The following ZBTB20 variants were observed in gnomAD, a reference collection of about 807,000 sequenced individuals.
ZBTB20 encodes the protein zinc finger and BTB domain containing 20, also known as zinc finger and BTB domain-containing protein 20.
A neutral mutation model predicts 56.9 loss-of-function variants in ZBTB20; 9 were observed. The observed-to-expected ratio is 0.16, with a 90% CI of 0.10 to 0.28. The LOEUF (loss-of-function observed/expected upper bound fraction) is 0.28, where lower values mean the gene tolerates loss of function less well. Among genes scored for constraint, ZBTB20 ranks in the 10% least tolerant of loss-of-function variants. The pLI, the probability that ZBTB20 is intolerant of heterozygous loss-of-function variation, is 1.00. For synonymous variants in ZBTB20, 417 were observed against 420.7 expected, an observed-to-expected ratio of 0.99 and a Z score of 0.11; for missense variants, 655 against 1,003.0, an observed-to-expected ratio of 0.65 and a Z score of 4.69.
chr3:114,584,773 AT>A (rs1297093045), intron 6 of ZBTB20, among the ~76,000 whole-genome samples: 1 of 152,294 alleles, frequency 6.6e-6, no homozygotes, highest in African/African-American at 2.4e-5. Context: ...ACTTTTGAAA[AT>A]GAAAGTACCT....
At chr3:114,515,847 T>C (rs890549227) in intron 6 of ZBTB20, among the ~76,000 whole-genome samples, 1 of 152,168 alleles carries the variant, frequency 6.6e-6, no homozygotes, top group African/African-American at 2.4e-5. Flanking sequence ...TCATTTAAGG[T>C]AACAACAATA....
chr3:114,786,259 A>C (rs986499799), intron 5 of ZBTB20, among the ~76,000 whole-genome samples: 3 of 152,032 alleles, frequency 2.0e-5, no homozygotes, highest in African/African-American at 7.3e-5. Flanking sequence ...TGTCATCTAC[A>C]TCAGGTATTT....
At chr3:114,926,692 G>A (rs1013501268) in intron 3 of ZBTB20, among the ~76,000 whole-genome samples, 1 of 152,178 alleles carries the variant, frequency 6.6e-6, no homozygotes, top group Admixed American at 6.5e-5. Flanking sequence ...AAATAGGTAA[G>A]AATGCAAGTA....
chr3:114,381,031 T>C (rs2084268336), intron 8 of ZBTB20, 91 bp from the exon 9 acceptor site: 2 of 306,352 alleles, frequency 6.5e-6, no homozygotes, highest in South Asian at 3.1e-4. Flanking sequence ...AACATTCAAC[T>C]TTCCTGCTCT....
At chr3:114,984,834 C>A (rs1214380907) in intron 2 of ZBTB20, among the ~76,000 whole-genome samples, 1 of 151,998 alleles carries the variant, frequency 6.6e-6, no homozygotes, top group Non-Finnish European at 1.5e-5. Flanking sequence ...CAAACATACA[C>A]TCACACATCC....
At chr3:114,655,298 T>C (rs1381995686) in intron 6 of ZBTB20, among the ~76,000 whole-genome samples, 1 of 131,650 alleles carries the variant, frequency 7.6e-6, no homozygotes, top group Non-Finnish European at 1.6e-5. Context: ...CAGGCCAGAC[T>C]GCGGACTGCA....
chr3:114,958,359 C>G (rs2077320997), intron 3 of ZBTB20, among the ~76,000 whole-genome samples: 1 of 152,132 alleles, frequency 6.6e-6, no homozygotes, highest in Admixed American at 6.6e-5. Context: ...CATCTACTAT[C>G]CTCATCCATA....
At chr3:114,564,110 A>G (rs1407688912) in intron 6 of ZBTB20, among the ~76,000 whole-genome samples, 1 of 152,086 alleles carries the variant, frequency 6.6e-6, no homozygotes, top group Non-Finnish European at 1.5e-5. Context: ...CCAGCAACGC[A>G]GCATCTTTCA....
intron 6 of ZBTB20, among the ~76,000 whole-genome samples, chr3:114,637,195 C>A (rs912950125): frequency 2.0e-5 from 3 of 151,968 alleles, no homozygotes; most frequent in Non-Finnish European, 4.4e-5. Flanking sequence ...TGGAGTAGAA[C>A]AAAAACTGAA....
intron 3 of ZBTB20, among the ~76,000 whole-genome samples, chr3:114,907,435 T>C (rs1048303704): frequency 2.0e-5 from 3 of 151,912 alleles, no homozygotes; most frequent in Non-Finnish European, 1.5e-5. Context: ...TGTGTATGTG[T>C]ATTATTTGGT....
intron 6 of ZBTB20, among the ~76,000 whole-genome samples, chr3:114,572,556 G>A (rs2053554331): frequency 6.6e-6 from 1 of 152,204 alleles, no homozygotes; most frequent in South Asian, 2.1e-4. Flanking sequence ...AACTTATACA[G>A]TCAGTGGAGG....
intron 11 of ZBTB20, among the ~76,000 whole-genome samples, chr3:114,341,057 T>C (rs2079722623): frequency 6.6e-6 from 1 of 152,182 alleles, no homozygotes; most frequent in Non-Finnish European, 1.5e-5. Flanking sequence ...TTAAACTTTC[T>C]CTCATCAGGA....
intron 5 of ZBTB20, among the ~76,000 whole-genome samples, chr3:114,725,323 C>A (rs754272867): frequency 6.6e-6 from 1 of 152,166 alleles, no homozygotes; most frequent in Non-Finnish European, 1.5e-5. Context: ...CATCTCTTTT[C>A]ATCACTACTG....
intron 7 of ZBTB20, among the ~76,000 whole-genome samples, chr3:114,498,142 A>G (rs1244943829): frequency 6.6e-6 from 1 of 152,236 alleles, no homozygotes; most frequent in Admixed American, 6.5e-5. Flanking sequence ...GACCTAACTT[A>G]TAAGAACCAA....
At chr3:114,705,768 T>G (rs2063684465) in intron 5 of ZBTB20, among the ~76,000 whole-genome samples, 1 of 152,178 alleles carries the variant, frequency 6.6e-6, no homozygotes, top group Non-Finnish European at 1.5e-5. Flanking sequence ...AATTTTACAC[T>G]TTGGCCAGCT....
intron 7 of ZBTB20, among the ~76,000 whole-genome samples, chr3:114,406,399 G>C (rs920207306): frequency 1.3e-5 from 2 of 152,228 alleles, no homozygotes; most frequent in South Asian, 2.1e-4. Flanking sequence ...CTGGAGAATA[G>C]AACTTGCAAT....
intron 11 of ZBTB20, among the ~76,000 whole-genome samples, chr3:114,340,717 A>T (rs902768393): frequency 6.6e-6 from 1 of 152,192 alleles, no homozygotes; most frequent in Non-Finnish European, 1.5e-5. Flanking sequence ...TGCCCAGTGT[A>T]GGCCCTCACC....
intron 4 of ZBTB20, among the ~76,000 whole-genome samples, chr3:114,806,594 T>A (rs1412481448): frequency 6.6e-6 from 1 of 151,992 alleles, no homozygotes; most frequent in Non-Finnish European, 1.5e-5. Context: ...GCAAAAGTTT[T>A]AAATTTTGTT....
intron 4 of ZBTB20, among the ~76,000 whole-genome samples, chr3:114,875,528 G>A (rs1295817885): frequency 6.6e-6 from 1 of 152,026 alleles, no homozygotes; most frequent in East Asian, 1.9e-4. Flanking sequence ...GAGAAAATGG[G>A]GATATAAAAC....
Sources: gnomAD v4.1 joint callset for allele counts (sites outside exome capture counted in the v4.1 genomes callset) on GRCh38, gnomAD v4.1.1 for gene constraint, MANE v1.5 for transcripts, NCBI Gene and HGNC (gene_info 2026-07-23, HGNC 2026-07-21) for gene names.